Variants in DDX60L observed in about 807,000 individuals in gnomAD.
DDX60L encodes the protein DExD/H-box 60 like.
DDX60L carries 191 observed loss-of-function variants against 211.6 expected under a neutral mutation model. That is an observed-to-expected ratio of 0.90 (90% CI 0.80 to 1.02). The LOEUF is 1.02. Ranked by LOEUF, DDX60L falls within the 50% of genes least tolerant of loss-of-function variation. The pLI, the probability that DDX60L is intolerant of heterozygous loss-of-function variation, is 0.00. For synonymous variants in DDX60L, 706 were observed against 694.1 expected (o/e 1.02, Z -0.27); for missense variants, 2,007 against 1,984.1 (o/e 1.01, Z -0.22).
chr4:168,437,067 A>C (rs1214280870), intron 10 of DDX60L, among the ~76,000 whole-genome samples: 1 of 152,220 alleles, frequency 6.6e-6, no homozygotes, highest in Non-Finnish European at 1.5e-5. Flanking sequence ...ACGTCAATGG[A>C]AAACTACAAC....
At chr4:168,466,321 A>C (rs62333769) in intron 4 of DDX60L, among the ~76,000 whole-genome samples, 43,571 of 152,022 alleles carry the variant, frequency 0.29, 7,914 homozygotes, top group East Asian at 0.62. Context: ...AGAAGAGGGA[A>C]GACACAACTT....
At chr4:168,370,822 A>G (rs551181814) in intron 36 of DDX60L, among the ~76,000 whole-genome samples, 2 of 150,178 alleles carry the variant, frequency 1.3e-5, no homozygotes, top group South Asian at 4.1e-4. Flanking sequence ...TTCCTGAATC[A>G]CTGTTTAAAA....
chr4:168,362,842 A>T (rs550798107), intron 36 of DDX60L, among the ~76,000 whole-genome samples: 1 of 152,332 alleles, frequency 6.6e-6, no homozygotes, highest in South Asian at 2.1e-4. Context: ...TAAATGAACA[A>T]ATATTCACCT....
intron 28 of DDX60L, 148 bp from the exon 29 acceptor site, chr4:168,391,792 T>G: frequency 2.0e-6 from 1 of 488,384 alleles, no homozygotes. Context: ...CTACTGTTCT[T>G]GCAACTGCCT....
chr4:168,361,103 A>G (rs1007221212), intron 37 of DDX60L, 46 bp downstream of exon 37: 14 of 1,364,588 alleles, frequency 1.0e-5, no homozygotes, highest in Middle Eastern at 3.6e-4. Flanking sequence ...TGTTTGCTAA[A>G]CTATCATTAA....
intron 28 of DDX60L, among the ~76,000 whole-genome samples, chr4:168,393,541 T>C (rs768432386): frequency 1.3e-5 from 2 of 152,032 alleles, no homozygotes; most frequent in Non-Finnish European, 1.5e-5. Context: ...GTGTAACGGC[T>C]ACCCTTCTAC....
At chr4:168,440,097 C>T (rs1009886786) in intron 10 of DDX60L, among the ~76,000 whole-genome samples, 4 of 152,150 alleles carry the variant, frequency 2.6e-5, no homozygotes, top group African/African-American at 9.7e-5. Flanking sequence ...TGATGGTGTA[C>T]ACCTGTAATC....
chr4:168,393,564 ACACTGTCCC>A (rs1745233617), intron 28 of DDX60L, among the ~76,000 whole-genome samples: 1 of 152,160 alleles, frequency 6.6e-6, no homozygotes. Flanking sequence ...AACTCTTCAC[ACACTGTCCC>A]CACCTAGAAA....
At chr4:168,379,283 G>A in intron 32 of DDX60L, 80 bp downstream of exon 32, 1 of 1,237,044 alleles carries the variant, frequency 8.1e-7, no homozygotes, top group East Asian at 2.6e-5. Context: ...GGAGGAAGAA[G>A]AGAAAAACAT....
chr4:168,371,382 T>A (rs1579204604), intron 36 of DDX60L, among the ~76,000 whole-genome samples: 1 of 148,798 alleles, frequency 6.7e-6, no homozygotes, highest in Non-Finnish European at 1.5e-5. Flanking sequence ...TCACCAGAAA[T>A]CAGTCTTCTA....
In DDX60L at chr4:168,430,475, T is replaced by C; in HGVS notation, c.1677+3A>G. On this transcript the variant is annotated splice_donor_region_variant and intron_variant, in intron 13 of 37. Transcript: ENST00000682922. ...AAAATTAGGTAAAATCTTTGCGATC[T>C]ACCTGTAATATTTCACCACTGGCAC... 6.4e-7 allele frequency: 1 copy of C among 1,563,130 alleles called. No individual in the cohort carries two copies. Among genetic ancestry groups the C allele is most frequent in the Non-Finnish European group, 8.6e-7 (1 of 1,161,314 alleles).
In DDX60L at chr4:168,375,480, A is replaced by G. The variant is rs908213011; in HGVS notation, c.4530T>C (p.Tyr1510=). 3 of 1,612,556 alleles carry G rather than the reference A, an allele frequency of 1.9e-6. No homozygotes were observed. Among genetic ancestry groups the G allele is most frequent in the Admixed American group, 1.7e-5 (1 of 59,782 alleles). ...ELPEDFKAAL[Y]EYNLAVMKDF... ...CCTTCATTACTGCCAGGTTATACTC[A>G]TATAAAGCAGCTTTAAAATCCTCCG... is the stretch of plus-strand genomic sequence containing the variant. Residue 1510 remains tyrosine, a synonymous_variant, in exon 34 of 38, where the codon TAT becomes TAC. Transcript: ENST00000682922.
At chr4:168,431,100 G>C (rs184170205) in intron 12 of DDX60L, among the ~76,000 whole-genome samples, 247 of 152,200 alleles carry the variant, frequency 1.6e-3, no homozygotes, top group African/African-American at 5.6e-3. Context: ...GTTGACTCCG[G>C]ACCTAAAACA....
rs932103004 is a variant in DDX60L, at chr4:168,384,809, A to C, written c.3919T>G (p.Ser1307Ala). 6.2e-6 allele frequency: 10 copies of C among 1,612,000 alleles called. No homozygotes were observed. The highest frequency in any genetic ancestry group is 7.6e-6 in the Non-Finnish European group (9 of 1,178,938). The part of the protein sequence containing the change: ...YLDALNYRQM[S>A]GRAGRRGQDL... The stretch of plus-strand genomic sequence containing the variant: ...TGACCTCTTCTTCCAGCACGACCAG[A>C]CATCTGGAAGCAGCAAAGAATCACA... The change falls in exon 30 of 38, where the codon TCT becomes GCT. Residue 1307 changes from serine (S) to alanine (A), a missense_variant. Coordinates refer to ENST00000682922, the MANE Select transcript of DDX60L (RefSeq NM_001012967.3).
At chr4:168,441,520 C>A (rs776635687) in intron 9 of DDX60L, 28 bp from the exon 10 acceptor site, 1 of 1,563,780 alleles carries the variant, frequency 6.4e-7, no homozygotes, top group Admixed American at 1.9e-5. Flanking sequence ...ATATTAAAAT[C>A]TCAAAAGTCA....
intron 36 of DDX60L, among the ~76,000 whole-genome samples, chr4:168,362,351 C>G (rs1339475275): frequency 6.6e-6 from 1 of 152,242 alleles, no homozygotes; most frequent in Admixed American, 6.5e-5. Context: ...CACTGCCACA[C>G]AGCTGGCCAG....
intron 7 of DDX60L, among the ~76,000 whole-genome samples, chr4:168,454,504 G>A (rs1561108419): frequency 1.3e-5 from 2 of 152,108 alleles, no homozygotes; most frequent in African/African-American, 4.8e-5. Flanking sequence ...CCAATACACA[G>A]TAAGCCCTAA....
At chr4:168,475,493 C>T (rs1259287595) in intron 1 of DDX60L, among the ~76,000 whole-genome samples, 2 of 151,980 alleles carry the variant, frequency 1.3e-5, no homozygotes, top group African/African-American at 4.8e-5. Context: ...TTTTTAGACT[C>T]AATGTATAGA....
At chr4:168,406,125 T>C (rs1211134446) in intron 23 of DDX60L, 47 bp from the exon 24 acceptor site, 7 of 1,550,268 alleles carry the variant, frequency 4.5e-6, no homozygotes, top group Admixed American at 2.2e-5. Context: ...ATGCAATCTA[T>C]AGTAAGAAAA....
Sources: gnomAD v4.1 joint callset for allele counts (sites outside exome capture counted in the v4.1 genomes callset) on GRCh38, gnomAD v4.1.1 for gene constraint, MANE v1.5 for transcripts, NCBI Gene and HGNC (gene_info 2026-07-23, HGNC 2026-07-21) for gene names.